ARL4C: variants seen among roughly 807,000 people sequenced by gnomAD.
ARL4C encodes ARF like GTPase 4C.
Under a neutral mutation model 12.8 loss-of-function variants are expected in ARL4C, and 5 were observed. The observed-to-expected ratio is 0.39, with a 90% CI of 0.20 to 0.82. ARL4C has a LOEUF of 0.82. Among genes scored for constraint, ARL4C ranks in the 40% least tolerant of loss-of-function variants. ARL4C has a pLI of 0.39. For synonymous variants in ARL4C, 119 were observed against 119.4 expected, an observed-to-expected ratio of 1.00 and a Z score of 0.02; for missense variants, 148 against 265.2, an observed-to-expected ratio of 0.56 and a Z score of 3.07.
Position 234,495,489 on chromosome 2 carries a change from G to A in ARL4C, c.*317C>T. On this transcript the variant is annotated 3_prime_UTR_variant, in exon 2 of 2. Coordinates refer to ENST00000339728, the MANE Select transcript of ARL4C (RefSeq NM_001282431.2). ...TTCACAGCCCCTGAATGCAAGGAGA[G>A]GTGGTCCCCCCAGAACCAACATGCC... 1 of 529,718 alleles carries A rather than the reference G, an allele frequency of 1.9e-6. No individual in the cohort carries two copies. Among genetic ancestry groups the A allele is most frequent in the East Asian group, 3.4e-5 (1 of 29,772 alleles). The allele number at this position is 529,718 out of a possible 1,614,324, so 32.8% of individuals were successfully genotyped here.
In ARL4C at chr2:234,495,626, G is replaced by T; in HGVS notation, c.*180C>A. ...TGAACTTCTGGCCCTGCAGGAGTGGGAAGAAATCGCTTTTGTCTTTCCGAC... is the reference window on the plus strand; with the variant it reads ...TGAACTTCTGGCCCTGCAGGAGTGGTAAGAAATCGCTTTTGTCTTTCCGAC... On this transcript the variant is annotated 3_prime_UTR_variant, in exon 2 of 2. Transcript: ENST00000339728. The T allele has an allele frequency of 4.0e-6, 3 of 748,028 alleles. No homozygotes were observed. Among genetic ancestry groups the T allele is most frequent in the Non-Finnish European group, 6.6e-6 (3 of 453,964 alleles). 46.3% of individuals were successfully genotyped at this position (748,028 alleles called of 1,614,324 possible). A position where few individuals can be genotyped will look rare whatever the true frequency, so the allele number is the denominator to read the frequency against.
Position 234,496,172 on chromosome 2 carries a change from C to G in ARL4C, c.415G>C (p.Glu139Gln). 1 of 1,612,146 alleles carries G rather than the reference C, an allele frequency of 6.2e-7. No homozygotes were observed. Among genetic ancestry groups the G allele is most frequent in the Non-Finnish European group, 8.5e-7 (1 of 1,179,094 alleles). ...TGCAGCGCCAGCTGCTTCTCAATCTCTGCCACCGGCAGCGACTTGGGCAGG... is the reference window on the plus strand; with the variant it reads ...TGCAGCGCCAGCTGCTTCTCAATCTGTGCCACCGGCAGCGACTTGGGCAGG... ...QDLPKSLPVA[E>Q]IEKQLALHEL... The change falls in exon 1 of 2, where the codon GAG becomes CAG. Residue 139 changes from glutamate to glutamine, a missense_variant. Coordinates refer to ENST00000339728, the MANE Select transcript of ARL4C (RefSeq NM_001282431.2).
Position 234,495,419 on chromosome 2 carries a change from T to C in ARL4C, c.*387A>G, listed in dbSNP as rs1034630089. ...ACCTTTGGGCCCAGAGCAGGACAAA[T>C]GAAATTTCAACAGGGGCCTGCCCTG... On this transcript the variant is annotated 3_prime_UTR_variant, in exon 2 of 2. Transcript: ENST00000339728. The C allele has an allele frequency of 8.3e-5, 29 of 351,394 alleles. No individual in the cohort carries two copies. Among genetic ancestry groups the C allele is most frequent in the African/African-American group, 5.9e-4 (28 of 47,580 alleles). 21.8% of individuals were successfully genotyped at this position (351,394 alleles called of 1,614,324 possible).
chr2:234,496,374 G>T lies in ARL4C; in HGVS notation c.213C>A (p.Gly71=). The T allele has an allele frequency of 6.2e-7, 1 of 1,612,434 alleles. No individual in the cohort carries two copies. Among genetic ancestry groups the T allele is most frequent in the South Asian group, 1.1e-5 (1 of 90,964 alleles). The part of the protein sequence containing the change: ...GISCHFWDVG[G]QEKLRPLWKS... Reference sequence around the variant, plus strand: ...TCCACAGCGGCCGCAGCTTCTCCTGGCCGCCCACGTCCCAGAAGTGGCAGC... The same window carrying T: ...TCCACAGCGGCCGCAGCTTCTCCTGTCCGCCCACGTCCCAGAAGTGGCAGC... Residue 71 remains glycine (G), a synonymous_variant, in exon 1 of 2, where the codon GGC becomes GGA. Coordinates refer to ENST00000339728, the MANE Select transcript of ARL4C (RefSeq NM_001282431.2).
Position 234,493,347 on chromosome 2 carries a change from T to C in ARL4C, c.*2459A>G, listed in dbSNP as rs1383848361. On this transcript the variant is annotated 3_prime_UTR_variant, in exon 2 of 2. Coordinates refer to ENST00000339728, the MANE Select transcript of ARL4C (RefSeq NM_001282431.2). ...GCATCATAAATCACCCATTGATACATTGGTGGGGGGCTCCCTGTCCCCCTG... is the reference window on the plus strand; with the variant it reads ...GCATCATAAATCACCCATTGATACACTGGTGGGGGGCTCCCTGTCCCCCTG... The C allele has an allele frequency of 6.6e-6, 1 of 152,248 alleles. No individual in the cohort carries two copies. The highest frequency in any genetic ancestry group is 2.4e-5 in the African/African-American group (1 of 41,464). The allele number at this position is 152,248 out of a possible 1,614,324, so 9.4% of individuals were successfully genotyped here.
chr2:234,495,206 G>A lies in ARL4C; in HGVS notation c.*600C>T, dbSNP rs931803534. On this transcript the variant is annotated 3_prime_UTR_variant, in exon 2 of 2. Coordinates refer to ENST00000339728, the MANE Select transcript of ARL4C (RefSeq NM_001282431.2). Reference sequence around the variant, plus strand: ...TGTGATAATGACCTACACATGGACAGGGTCCAAACCATCTGGAAGATGTCT... The same window carrying A: ...TGTGATAATGACCTACACATGGACAAGGTCCAAACCATCTGGAAGATGTCT... 1 of 153,708 alleles carries A rather than the reference G, an allele frequency of 6.5e-6. No individual in the cohort carries two copies. Among genetic ancestry groups the A allele is most frequent in the African/African-American group, 2.4e-5 (1 of 41,178 alleles). The allele number at this position is 153,708 out of a possible 1,614,324, so 9.5% of individuals were successfully genotyped here.
rs1691752210 is a variant in ARL4C, at chr2:234,494,670, T to C, written c.*1136A>G. The C allele has an allele frequency of 6.6e-6, 1 of 152,146 alleles. No individual in the cohort carries two copies. The highest frequency in any genetic ancestry group is 2.1e-4 in the South Asian group (1 of 4,828). The allele number at this position is 152,146 out of a possible 1,614,324, so 9.4% of individuals were successfully genotyped here. On this transcript the variant is annotated 3_prime_UTR_variant, in exon 2 of 2. Transcript: ENST00000339728. ...TTTTTAATGAAAGACTTAAACCAGA[T>C]AGGCCACAATGAACCAAATTAGAAA...
Position 234,496,494 on chromosome 2 carries a change from G to C in ARL4C, c.93C>G (p.Tyr31Ter). ...TCACGAACTCGTTGAACTTGAGCCG[G>C]TAGAGCACCGTGGTCTTGCCGGCCG... ...LDSAGKTTVL[Y>*]RLKFNEFVNT... Residue 31 changes from tyrosine (Y) to a stop codon, truncating the protein, a stop_gained, in exon 1 of 2, where the codon TAC becomes TAG. Coordinates refer to ENST00000339728, the MANE Select transcript of ARL4C (RefSeq NM_001282431.2). LOFTEE classifies it high-confidence loss of function. 3 of 1,613,790 alleles carry C rather than the reference G, an allele frequency of 1.9e-6. No individual in the cohort carries two copies. The highest frequency in any genetic ancestry group is 2.5e-6 in the Non-Finnish European group (3 of 1,179,894).
rs1285228139 is a variant in ARL4C at position 234,493,797 on chromosome 2, C to T, written c.*2009G>A. ...TTTTAATAATTCTATACAGAATCTT[C>T]AGATGATGGGACCAGCCCATTTAGA... On this transcript the variant is annotated 3_prime_UTR_variant, in exon 2 of 2. Coordinates refer to ENST00000339728, the MANE Select transcript of ARL4C (RefSeq NM_001282431.2). 6.6e-6 allele frequency: 1 copy of T among 152,340 alleles called. No homozygotes were observed. Among genetic ancestry groups the T allele is most frequent in the Non-Finnish European group, 1.5e-5 (1 of 67,994 alleles). 9.4% of individuals were successfully genotyped at this position (152,340 alleles called of 1,614,324 possible). A position where few individuals can be genotyped will look rare whatever the true frequency, so the allele number is the denominator to read the frequency against.
At position 234,493,745 on chromosome 2, in the gene ARL4C, A is replaced by G. The variant is rs1192391095; in HGVS notation, c.*2061T>C. On this transcript the variant is annotated 3_prime_UTR_variant, in exon 2 of 2. Coordinates refer to ENST00000339728, the MANE Select transcript of ARL4C (RefSeq NM_001282431.2). The stretch of plus-strand genomic sequence containing the variant: ...AGTGCTTAAGAAATTGTCGCATGTG[A>G]AGAAAATAAAGAAAGATGGATTTTT... 1 of 152,484 alleles carries G rather than the reference A, an allele frequency of 6.6e-6. No individual in the cohort carries two copies. The highest frequency in any genetic ancestry group is 1.5e-5 in the Non-Finnish European group (1 of 67,966). 9.4% of individuals were successfully genotyped at this position (152,484 alleles called of 1,614,324 possible).
Position 234,496,080 on chromosome 2 carries a change from G to A in ARL4C, c.507C>T (p.Thr169=), listed in dbSNP as rs1337828230. 1.2e-6 allele frequency: 2 copies of A among 1,613,050 alleles called. No homozygotes were observed. Among genetic ancestry groups the A allele is most frequent in the Non-Finnish European group, 1.7e-6 (2 of 1,179,522 alleles). ...TCTCATAGAGCTTGTCCATGCCCTC[G>A]GTGAGGCCCTCGCCGATGATGGCGC... ...PACAIIGEGL[T]EGMDKLYEMI... Residue 169 remains threonine (T), a synonymous_variant, in exon 1 of 2, where the codon ACC becomes ACT. Transcript: ENST00000339728.
In ARL4C at chr2:234,496,188, C is replaced by T. The variant is rs1361063088; in HGVS notation, c.399G>A (p.Lys133=). Residue 133 remains lysine, a synonymous_variant, in exon 1 of 2, where the codon AAG becomes AAA. Transcript: ENST00000339728. The part of the protein sequence containing the change: ...LVIANKQDLP[K]SLPVAEIEKQ... ...TCTCAATCTCTGCCACCGGCAGCGA[C>T]TTGGGCAGGTCCTGCTTGTTGGCGA... The T allele has an allele frequency of 3.1e-6, 5 of 1,609,652 alleles. No individual in the cohort carries two copies. Among genetic ancestry groups the T allele is most frequent in the Non-Finnish European group, 3.4e-6 (4 of 1,177,978 alleles).
rs1446001321 is a variant in ARL4C, at chr2:234,494,455, C to CTTT, written c.*1350_*1351insAAA. ...ACGTCACACTTTCTTTTATCTCAAG[C>CTTT]ACTCATTGTTGTTTGCATTTGCCCA... On this transcript the variant is annotated 3_prime_UTR_variant, in exon 2 of 2. Transcript: ENST00000339728. 6.5e-6 allele frequency: 1 copy of CTTT among 152,676 alleles called. No individual in the cohort carries two copies. Among genetic ancestry groups the CTTT allele is most frequent in the Non-Finnish European group, 1.5e-5 (1 of 68,042 alleles). The allele number at this position is 152,676 out of a possible 1,614,324, so 9.5% of individuals were successfully genotyped here.
Position 234,494,434 on chromosome 2 carries a change from C to T in ARL4C, c.*1372G>A, listed in dbSNP as rs1164364738. On this transcript the variant is annotated 3_prime_UTR_variant, in exon 2 of 2. Transcript: ENST00000339728. ...GCCTGAGTACCAGTGACCATGACGT[C>T]ACACTTTCTTTTATCTCAAGCACTC... The T allele has an allele frequency of 6.6e-6, 1 of 152,658 alleles. No individual in the cohort carries two copies. The highest frequency in any genetic ancestry group is 1.5e-5 in the Non-Finnish European group (1 of 68,044). The allele number at this position is 152,658 out of a possible 1,614,324, so 9.5% of individuals were successfully genotyped here. A position where few individuals can be genotyped will look rare whatever the true frequency, so the allele number is the denominator to read the frequency against.
chr2:234,493,054 A>G lies in ARL4C; in HGVS notation c.*2752T>C, dbSNP rs1452342610. On this transcript the variant is annotated 3_prime_UTR_variant, in exon 2 of 2. Transcript: ENST00000339728. ...TCTCCCCAGTCATTTGATTGTATAA[A>G]TAATTTATTTCTGTTCACAGCATCA... 6.5e-6 allele frequency: 1 copy of G among 152,704 alleles called. No homozygotes were observed. The highest frequency in any genetic ancestry group is 1.5e-5 in the Non-Finnish European group (1 of 68,054). 9.5% of individuals were successfully genotyped at this position (152,704 alleles called of 1,614,324 possible).
chr2:234,495,518 C>A lies in ARL4C; in HGVS notation c.*288G>T. ...GTCCCCCCAGAACCAACATGCCCCC[C>A]AAGGTGGGTACGCCCACGGTTCTGG... On this transcript the variant is annotated 3_prime_UTR_variant, in exon 2 of 2. Transcript: ENST00000339728. The A allele has an allele frequency of 1.7e-6, 1 of 575,922 alleles. No homozygotes were observed. Among genetic ancestry groups the A allele is most frequent in the African/African-American group, 1.9e-5 (1 of 53,536 alleles). 35.7% of individuals were successfully genotyped at this position (575,922 alleles called of 1,614,324 possible).
Position 234,495,153 on chromosome 2 carries a change from ATTT to A in ARL4C, c.*650_*652del, listed in dbSNP as rs370570571. The A allele has an allele frequency of 1.6e-4, 23 of 144,678 alleles. No homozygotes were observed. In the East Asian group the frequency reaches 4.6e-3, roughly 29 times the overall value. 9.0% of individuals were successfully genotyped at this position (144,678 alleles called of 1,614,324 possible). On this transcript the variant is annotated 3_prime_UTR_variant, in exon 2 of 2. Coordinates refer to ENST00000339728, the MANE Select transcript of ARL4C (RefSeq NM_001282431.2). ...CAATAGTTCGTCTTTTTTTTTTTTT[ATTT>A]TTTTTATTTTTATTGGTCTCTTTGT...
rs1691761733 is a variant in ARL4C, at chr2:234,495,142, TTTTTTTTTTTA to T, written c.*653_*663del. Reference sequence around the variant, plus strand: ...GCCACCACCTCCAATAGTTCGTCTTTTTTTTTTTTTATTTTTTTTATTTTTATTGGTCTCTT... The same window carrying T: ...GCCACCACCTCCAATAGTTCGTCTTTTTTTTTTTATTTTTATTGGTCTCTT... On this transcript the variant is annotated 3_prime_UTR_variant, in exon 2 of 2. Coordinates refer to ENST00000339728, the MANE Select transcript of ARL4C (RefSeq NM_001282431.2). 1 of 132,456 alleles carries T rather than the reference TTTTTTTTTTTA, an allele frequency of 7.5e-6. No homozygotes were observed. The highest frequency in any genetic ancestry group is 4.1e-5 in the African/African-American group (1 of 24,500). The allele number at this position is 132,456 out of a possible 1,614,324, so 8.2% of individuals were successfully genotyped here. A position where few individuals can be genotyped will look rare whatever the true frequency, so the allele number is the denominator to read the frequency against.
Position 234,496,311 on chromosome 2 carries a change from C to T in ARL4C, c.276G>A (p.Val92=). 1 of 1,612,720 alleles carries T rather than the reference C, an allele frequency of 6.2e-7. No individual in the cohort carries two copies. The highest frequency in any genetic ancestry group is 8.5e-7 in the Non-Finnish European group (1 of 1,179,458). Residue 92 remains valine, a synonymous_variant, in exon 1 of 2, where the codon GTG becomes GTA. Coordinates refer to ENST00000339728, the MANE Select transcript of ARL4C (RefSeq NM_001282431.2). ...GCCGGTCCACGTCCACCGAGTCCAC[C>T]ACGTAGATGATGCCGTCCGTGCAGC... is the stretch of plus-strand genomic sequence containing the variant. ...YSRCTDGIIY[V]VDSVDVDRLE...
Sources: allele counts gnomAD v4.1 joint callset, GRCh38; gene constraint gnomAD v4.1.1; transcripts MANE v1.5; gene names NCBI Gene and HGNC (gene_info 2026-07-23, HGNC 2026-07-21).